SLC39A14: variants seen among roughly 807,000 people sequenced by gnomAD.
SLC39A14 encodes the protein solute carrier family 39 member 14.
In SLC39A14, 19 loss-of-function variants were observed where a neutral mutation model predicts 45.5. The observed-to-expected ratio is 0.42, with a 90% CI of 0.29 to 0.61. The LOEUF (loss-of-function observed/expected upper bound fraction) is 0.61, where lower values mean the gene tolerates loss of function less well. Among genes scored for constraint, SLC39A14 ranks in the 20% least tolerant of loss-of-function variants. The pLI is 0.22. For missense variants in SLC39A14, 447 were observed against 616.5 expected (o/e 0.73, Z 2.91); for synonymous variants, 264 against 251.3 (o/e 1.05, Z -0.48).
rs932961096 is a variant in SLC39A14 at position 22,420,846 on chromosome 8, T to C, written c.*1148T>C. 1 of 985,490 alleles carries C rather than the reference T, an allele frequency of 1.0e-6. No individual in the cohort carries two copies. The highest frequency in any genetic ancestry group is 4.7e-5 in the South Asian group (1 of 21,292). The allele number at this position is 985,490 out of a possible 1,614,324, so 61.0% of individuals were successfully genotyped here. On this transcript the variant is annotated 3_prime_UTR_variant, in exon 9 of 9. Coordinates refer to ENST00000381237, the MANE Select transcript of SLC39A14 (RefSeq NM_001128431.4). ...GATGTTTGCAGAATGGTTGGCCTAATGATTATGCTACAGATGGGTTTTAAA... is the reference window on the plus strand; with the variant it reads ...GATGTTTGCAGAATGGTTGGCCTAACGATTATGCTACAGATGGGTTTTAAA...
chr8:22,406,005 G>A (rs961262649), intron 2 of SLC39A14, among the ~76,000 whole-genome samples: 6 of 152,354 alleles, frequency 3.9e-5, no homozygotes, highest in Admixed American at 6.5e-5. Context: ...AGCAGGCACT[G>A]AAATGAAGCA....
At chr8:22,395,882 T>A (rs1834353803) in intron 1 of SLC39A14, among the ~76,000 whole-genome samples, 1 of 152,304 alleles carries the variant, frequency 6.6e-6, no homozygotes, top group South Asian at 2.1e-4. Flanking sequence ...AAAGGAACTT[T>A]CCTCTCCAGG....
At chr8:22,370,115 C>T (rs1186296841) in intron 1 of SLC39A14, among the ~76,000 whole-genome samples, 1 of 152,088 alleles carries the variant, frequency 6.6e-6, no homozygotes, top group African/African-American at 2.4e-5. Flanking sequence ...GAAGGAGTAA[C>T]AATGCCTGTG....
intron 1 of SLC39A14, among the ~76,000 whole-genome samples, chr8:22,372,923 T>C (rs1352445278): frequency 6.6e-6 from 1 of 151,994 alleles, no homozygotes; most frequent in Non-Finnish European, 1.5e-5. Context: ...TAGTTATTTA[T>C]TCATTTAAAA....
rs551129661 is a variant in SLC39A14 at position 22,392,586 on chromosome 8, T to C, written c.-15-12110T>C. ...GTGAACTTGGACGACAGGGAGAATTTTGCAACTGTCTGGGAAGTGTTGATG... is the reference window on the plus strand; with the variant it reads ...GTGAACTTGGACGACAGGGAGAATTCTGCAACTGTCTGGGAAGTGTTGATG... On this transcript the variant is annotated intron_variant, in intron 1 of 8. Transcript: ENST00000381237. 2.2e-4 allele frequency among the ~76,000 whole-genome samples: 34 copies of C among 152,336 alleles called. 1 individual carries two copies. In the South Asian group the frequency reaches 6.8e-3, roughly 31 times the overall value.
At position 22,421,035 on chromosome 8, in the gene SLC39A14, T is replaced by G. The variant is rs984680675; in HGVS notation, c.*1337T>G. ...GAGCCCTTGCCTCCGAGCTCTGGCT[T>G]CAAGGGGAGCTCTTCTCCAGGTTCA... is the stretch of plus-strand genomic sequence containing the variant. On this transcript the variant is annotated 3_prime_UTR_variant, in exon 9 of 9. Transcript: ENST00000381237. 3.0e-6 allele frequency: 3 copies of G among 985,742 alleles called. No individual in the cohort carries two copies. The African/African-American group carries it at 5.2e-5, about 17-fold the overall frequency. 61.1% of individuals were successfully genotyped at this position (985,742 alleles called of 1,614,324 possible).
downstream of SLC39A14, among the ~76,000 whole-genome samples, chr8:22,423,811 T>TCTCTCA (rs140415628): frequency 0.034 from 5,101 of 150,686 alleles, 328 homozygotes; most frequent in African/African-American, 0.12. Context: ...TCTCTCTCTC[T>TCTCTCA]CATCTATCTT....
rs575674533 is a variant in SLC39A14, at chr8:22,406,431, C to T, written c.270+1451C>T. Among the ~76,000 whole-genome samples, 9 of 152,266 alleles carry T rather than the reference C, an allele frequency of 5.9e-5. No individual in the cohort carries two copies. The South Asian group carries it at 1.5e-3, about 25-fold the overall frequency. Reference sequence around the variant, plus strand: ...GAGCGGGGCCGGGCGCGGTGGCTGACGCCTGTAACCCCAGCACTTTGGGAG... The same window carrying T: ...GAGCGGGGCCGGGCGCGGTGGCTGATGCCTGTAACCCCAGCACTTTGGGAG... On this transcript the variant is annotated intron_variant, in intron 2 of 8. Coordinates refer to ENST00000381237, the MANE Select transcript of SLC39A14 (RefSeq NM_001128431.4).
chr8:22,374,736 T>C (rs1833118339), intron 1 of SLC39A14, among the ~76,000 whole-genome samples: 1 of 144,998 alleles, frequency 6.9e-6, no homozygotes, highest in South Asian at 2.2e-4. Flanking sequence ...CCTGCCAGCC[T>C]GCTCTTTTTT....
intron 1 of SLC39A14, among the ~76,000 whole-genome samples, chr8:22,402,718 G>A (rs1419554497): frequency 2.8e-5 from 4 of 143,648 alleles, no homozygotes; most frequent in Admixed American, 7.0e-5. Context: ...GCAGTGAGCC[G>A]AGATGGCGCC....
chr8:22,387,198 T>C (rs1313421630), intron 1 of SLC39A14, among the ~76,000 whole-genome samples: 1 of 151,852 alleles, frequency 6.6e-6, no homozygotes, highest in Non-Finnish European at 1.5e-5. Flanking sequence ...GCAGTAGTTA[T>C]TAAAAACTTG....
At chr8:22,426,081 G>C (rs1383455703), downstream of SLC39A14, among the ~76,000 whole-genome samples, 1 of 152,026 alleles carries the variant, frequency 6.6e-6, no homozygotes, top group Non-Finnish European at 1.5e-5. Flanking sequence ...TAGTAGAGAT[G>C]AGGTTTCTCC....
chr8:22,402,208 C>T (rs1243239406), intron 1 of SLC39A14, among the ~76,000 whole-genome samples: 3 of 152,098 alleles, frequency 2.0e-5, no homozygotes, highest in East Asian at 3.9e-4. Flanking sequence ...AGTGAAACCC[C>T]GTCTCTACTA....
Position 22,414,780 on chromosome 8 carries a change from G to A in SLC39A14, c.628G>A (p.Ala210Thr). 1 of 1,602,826 alleles carries A rather than the reference G, an allele frequency of 6.2e-7. No homozygotes were observed. Among genetic ancestry groups the A allele is most frequent in the Non-Finnish European group, 8.5e-7 (1 of 1,177,850 alleles). The change falls in exon 5 of 9, where the codon GCA becomes ACA. Residue 210 changes from alanine (A) to threonine (T), a missense_variant and splice_region_variant. Physicochemically the swap from Ala to Thr is moderately conservative, Grantham distance 58. Around this residue, in one of 2 missense-constraint regions of SLC39A14, gnomAD observed 342 missense variants for 428.1 expected, o/e 0.80. Coordinates refer to ENST00000381237, the MANE Select transcript of SLC39A14 (RefSeq NM_001128431.4). ...TCATTTTCTTTTCCTGGGTCCACAGGCATTTGGTTTCAACCCTCTGGAAGA... is the reference window on the plus strand; with the variant it reads ...TCATTTTCTTTTCCTGGGTCCACAGACATTTGGTTTCAACCCTCTGGAAGA... ...SNALFQLIPE[A>T]FGFNPLEDYY...
rs549593093 is a variant in SLC39A14, at chr8:22,377,914, C to T, written c.-16+10506C>T. ...TACCCCATTTGGATCTGTGCCCGCT[C>T]GGCTATGCTCTCCCTCTCTGCAGTT... On this transcript the variant is annotated intron_variant, in intron 1 of 8. Transcript: ENST00000381237. 7.9e-5 allele frequency among the ~76,000 whole-genome samples: 12 copies of T among 152,322 alleles called. 2 individuals carry two copies. The highest frequency in any genetic ancestry group is 1.7e-4 in the African/African-American group (7 of 41,564).
At chr8:22,403,243 T>G (rs1262556429) in intron 1 of SLC39A14, among the ~76,000 whole-genome samples, 1 of 152,028 alleles carries the variant, frequency 6.6e-6, no homozygotes, top group Non-Finnish European at 1.5e-5. Flanking sequence ...CCCAAAGTGC[T>G]GGGATTACAG....
intron 1 of SLC39A14, among the ~76,000 whole-genome samples, chr8:22,369,467 C>G (rs1832816300): frequency 6.6e-6 from 1 of 152,228 alleles, no homozygotes; most frequent in South Asian, 2.1e-4. Context: ...ATTGCCTGGT[C>G]TGTGCTGGGC....
chr8:22,415,404 C>T, intron 5 of SLC39A14: 1 of 218,038 alleles, frequency 4.6e-6, no homozygotes, highest in Admixed American at 5.7e-5. Context: ...AAGCATGTAC[C>T]CCGAGGAGAC....
At chr8:22,404,618 G>T (rs1041578533) in intron 1 of SLC39A14, 78 bp from the exon 2 acceptor site, 3 of 1,362,042 alleles carry the variant, frequency 2.2e-6, no homozygotes, top group African/African-American at 2.9e-5. Context: ...AACATGTTCA[G>T]TGTGTGGCGG....
Sources: allele counts gnomAD v4.1 joint callset (sites outside exome capture counted in the v4.1 genomes callset), GRCh38; gene constraint gnomAD v4.1.1; regional missense constraint gnomAD v4.1.1; transcripts MANE v1.5; gene names NCBI Gene and HGNC (gene_info 2026-07-23, HGNC 2026-07-21).